CCNY: variants seen among roughly 807,000 people sequenced by gnomAD.
The protein encoded by CCNY is cyclin-Y.
In CCNY, 19 loss-of-function variants were observed where a neutral mutation model predicts 42.8. The observed-to-expected ratio is 0.44, with a 90% CI of 0.31 to 0.65. The LOEUF (loss-of-function observed/expected upper bound fraction) is 0.65. Ranked by LOEUF, CCNY falls within the 30% of genes least tolerant of loss-of-function variation. CCNY has a pLI of 0.07. For missense variants in CCNY, 370 were observed against 437.3 expected (o/e 0.85, Z 1.37); for synonymous variants, 165 against 162.7 (o/e 1.01, Z -0.11).
intron 3 of CCNY, among the ~76,000 whole-genome samples, chr10:35,503,310 A>G (rs896503565): frequency 2.0e-5 from 3 of 152,192 alleles, no homozygotes; most frequent in African/African-American, 7.2e-5. Context: ...AGTTGTTGAG[A>G]TCTCTGCAAA....
intron 4 of CCNY, among the ~76,000 whole-genome samples, chr10:35,521,275 T>C (rs1466166177): frequency 6.6e-6 from 1 of 152,260 alleles, no homozygotes; most frequent in African/African-American, 2.4e-5. Flanking sequence ...CACCATTTTC[T>C]GAGGTCTTGG....
At chr10:35,263,226 G>A (rs1229999364) in intron 3 of CCNY, among the ~76,000 whole-genome samples, 1 of 151,704 alleles carries the variant, frequency 6.6e-6, no homozygotes, top group South Asian at 2.1e-4. Context: ...GCGTGGTGGC[G>A]GGCTCCTGTG....
intron 1 of CCNY, among the ~76,000 whole-genome samples, chr10:35,366,708 A>G (rs370488247): frequency 6.6e-6 from 1 of 152,322 alleles, no homozygotes. Context: ...CTACAGCAGC[A>G]CTGTTATTAG....
chr10:35,250,062 C>T (rs111506863), intron 2 of CCNY, among the ~76,000 whole-genome samples: 29 of 152,110 alleles, frequency 1.9e-4, no homozygotes, highest in African/African-American at 6.0e-4. Flanking sequence ...GGCATGGTGG[C>T]GGGTGCCTGT....
rs923653563 is a variant in CCNY, at chr10:35,256,685, C to T, written c.-9+6059C>T. The stretch of plus-strand genomic sequence containing the variant: ...GGCGGAGGTTGCAGTGAGCTGAGAT[C>T]GTGCCACTGAACTCCAGCCTGGGCG... On this transcript the variant is annotated intron_variant, in intron 3 of 11. Coordinates refer to the CCNY transcript ENST00000374706. Among the ~76,000 whole-genome samples the T allele has an allele frequency of 1.4e-4, 21 of 151,238 alleles. No homozygotes were observed. In the South Asian group the frequency reaches 2.1e-3, roughly 15 times the overall value.
chr10:35,267,434 G>A (rs2095726689), intron 3 of CCNY, among the ~76,000 whole-genome samples: 1 of 152,046 alleles, frequency 6.6e-6, no homozygotes, highest in Admixed American at 6.6e-5. Context: ...ACACTCTGGG[G>A]CTGGCTCATT....
At chr10:35,456,179 G>T (rs943600086) in intron 1 of CCNY, among the ~76,000 whole-genome samples, 2 of 152,132 alleles carry the variant, frequency 1.3e-5, no homozygotes, top group Non-Finnish European at 2.9e-5. Flanking sequence ...GTAAAGTTGT[G>T]TTCACCATTC....
intron 3 of CCNY, among the ~76,000 whole-genome samples, chr10:35,512,113 G>A (rs888514714): frequency 6.6e-6 from 1 of 152,198 alleles, no homozygotes; most frequent in South Asian, 2.1e-4. Flanking sequence ...GAATAGAATC[G>A]ATAGCACTTG....
At chr10:35,403,060 G>A (rs1837677482) in intron 1 of CCNY, among the ~76,000 whole-genome samples, 1 of 150,044 alleles carries the variant, frequency 6.7e-6, no homozygotes, top group Non-Finnish European at 1.5e-5. Context: ...CTCCGGGCAT[G>A]TGGGTAAAGT....
Position 35,566,059 on chromosome 10 carries a change from G to T in CCNY, c.783G>T (p.Gln261His). 6.2e-7 allele frequency: 1 copy of T among 1,614,092 alleles called. No individual in the cohort carries two copies. Among genetic ancestry groups the T allele is most frequent in the East Asian group, 2.2e-5 (1 of 44,872 alleles). ...AGCGACAGTTTCTTGAATTGCTGCA[G>T]TTCAACATCAATGTTCCTTCCAGTG... Reference protein sequence around the residue: ...ELERQFLELLQFNINVPSSVY... With the variant: ...ELERQFLELLHFNINVPSSVY... The change falls in exon 9 of 10, where the codon CAG becomes CAT. Residue 261 changes from glutamine to histidine, a missense_variant. By Grantham distance (24) the Gln-to-His change is conservative. Coordinates refer to ENST00000374704, the MANE Select transcript of CCNY (RefSeq NM_145012.6).
chr10:35,297,953 A>G (rs933250808), intron 3 of CCNY, among the ~76,000 whole-genome samples: 2 of 152,080 alleles, frequency 1.3e-5, no homozygotes, highest in Non-Finnish European at 2.9e-5. Flanking sequence ...CTCCTATCAA[A>G]CTACCAATGA....
chr10:35,528,431 C>T (rs1840697102), intron 5 of CCNY, among the ~76,000 whole-genome samples: 1 of 152,188 alleles, frequency 6.6e-6, no homozygotes, highest in Non-Finnish European at 1.5e-5. Flanking sequence ...TGGCTGAGCG[C>T]AGTGGCTTAC....
intron 1 of CCNY, among the ~76,000 whole-genome samples, chr10:35,408,197 A>G (rs1299500151): frequency 3.3e-5 from 5 of 152,152 alleles, no homozygotes; most frequent in African/African-American, 1.2e-4. Context: ...TAGTCTGAGG[A>G]CCTGAGGTCA....
intron 1 of CCNY, among the ~76,000 whole-genome samples, chr10:35,406,935 G>A (rs1024191105): frequency 5.9e-5 from 9 of 152,114 alleles, no homozygotes; most frequent in Non-Finnish European, 8.8e-5. Context: ...TTCTAATGTC[G>A]GGAGCGGATT....
At chr10:35,480,235 C>T (rs1269994710) in intron 1 of CCNY, among the ~76,000 whole-genome samples, 13 of 152,106 alleles carry the variant, frequency 8.5e-5, no homozygotes, top group Admixed American at 8.5e-4. Flanking sequence ...TCTTGTCAGA[C>T]TTAGAGTTAT....
At chr10:35,277,853 C>T (rs1835256827) in intron 3 of CCNY, among the ~76,000 whole-genome samples, 1 of 152,112 alleles carries the variant, frequency 6.6e-6, no homozygotes, top group Non-Finnish European at 1.5e-5. Flanking sequence ...GGCCTGTGCA[C>T]CCCAATTGGC....
chr10:35,288,557 G>C (rs1835379382), intron 3 of CCNY, among the ~76,000 whole-genome samples: 1 of 152,012 alleles, frequency 6.6e-6, no homozygotes, highest in Non-Finnish European at 1.5e-5. Context: ...AGAAATGTTT[G>C]CCTATCCCAA....
intron 1 of CCNY, among the ~76,000 whole-genome samples, chr10:35,356,604 T>G (rs1441101014): frequency 6.6e-6 from 1 of 152,164 alleles, no homozygotes; most frequent in Non-Finnish European, 1.5e-5. Flanking sequence ...GCCCACTCCT[T>G]AACCTCTTCA....
At chr10:35,321,418 A>G (rs1356839694) in intron 3 of CCNY, among the ~76,000 whole-genome samples, 1 of 152,112 alleles carries the variant, frequency 6.6e-6, no homozygotes, top group Non-Finnish European at 1.5e-5. Context: ...CACACCTATA[A>G]TCCCAGCACT....
Sources: gnomAD v4.1 joint callset for allele counts (sites outside exome capture counted in the v4.1 genomes callset) on GRCh38, gnomAD v4.1.1 for gene constraint, MANE v1.5 for transcripts, NCBI Gene and HGNC (gene_info 2026-07-23, HGNC 2026-07-21) for gene names.